ART3: variants seen among roughly 807,000 people sequenced by gnomAD.
ART3 encodes ecto-ADP-ribosyltransferase 3.
ART3 carries 49 observed loss-of-function variants against 48.5 expected under a neutral mutation model. The observed-to-expected ratio is 1.01, with a 90% CI of 0.80 to 1.28. ART3 has a LOEUF of 1.28. Ranked by LOEUF, ART3 falls within the 50% of genes most tolerant of loss-of-function variation. The probability of loss-of-function intolerance (pLI) is 0.00; values close to 1 mark genes in which losing one functional copy is unlikely to be tolerated. For synonymous variants in ART3, 145 were observed against 157.2 expected, an observed-to-expected ratio of 0.92 and a Z score of 0.58; for missense variants, 438 against 454.3, an observed-to-expected ratio of 0.96 and a Z score of 0.33.
intron 3 of ART3, among the ~76,000 whole-genome samples, chr4:76,095,485 G>C (rs1356708465): frequency 2.6e-5 from 4 of 152,216 alleles, no homozygotes; most frequent in Non-Finnish European, 5.9e-5. Context: ...TCCAGCCTGG[G>C]TGACAGAGCG....
intron 1 of ART3, chr4:76,021,984 G>C (rs4859584): frequency 0.55 from 860,428 of 1,559,282 alleles, 246,470 homozygotes; most frequent in East Asian, 0.94. Flanking sequence ...AAGTGTGATA[G>C]TCTGACTCTG....
At chr4:76,087,489 T>C (rs1231661736) in intron 3 of ART3, among the ~76,000 whole-genome samples, 1 of 152,140 alleles carries the variant, frequency 6.6e-6, no homozygotes, top group African/African-American at 2.4e-5. Context: ...AAGGAGAATG[T>C]AGTGAGAATC....
intron 1 of ART3, among the ~76,000 whole-genome samples, chr4:76,051,690 C>T (rs551780324): frequency 2.6e-5 from 4 of 152,112 alleles, no homozygotes; most frequent in South Asian, 2.1e-4. Flanking sequence ...TGGGCACACA[C>T]GTCCACAGCC....
intron 1 of ART3, among the ~76,000 whole-genome samples, chr4:76,033,530 C>T (rs981666384): frequency 4.6e-5 from 7 of 152,154 alleles, no homozygotes; most frequent in African/African-American, 1.4e-4. Flanking sequence ...TCAAGACCCC[C>T]CAAGGCCGAC....
chr4:76,017,232 C>T (rs1732348713), intron 1 of ART3, among the ~76,000 whole-genome samples: 8 of 151,246 alleles, frequency 5.3e-5, no homozygotes, highest in Admixed American at 5.3e-4. Context: ...CCACTGTGTA[C>T]TACCTGGGTA....
chr4:76,050,945 C>A (rs867977916), intron 1 of ART3, among the ~76,000 whole-genome samples: 1 of 152,202 alleles, frequency 6.6e-6, no homozygotes, highest in African/African-American at 2.4e-5. Flanking sequence ...CGGCGGGCTG[C>A]TCCGAGTGCG....
chr4:76,027,454 A>G (rs1014944642), intron 1 of ART3, among the ~76,000 whole-genome samples: 4 of 152,234 alleles, frequency 2.6e-5, no homozygotes, highest in Admixed American at 2.0e-4. Flanking sequence ...AAGCTTGTGC[A>G]ATTACAGATA....
chr4:76,103,806 GT>G (rs1727853448), intron 8 of ART3, 130 bp from the exon 9 acceptor site: 1 of 784,970 alleles, frequency 1.3e-6, no homozygotes, highest in South Asian at 2.1e-5. Context: ...TGTTGTTGCT[GT>G]TTCTTTTTTC....
intron 2 of ART3, among the ~76,000 whole-genome samples, chr4:76,077,268 G>A (rs6814014): frequency 0.1 from 15,683 of 152,112 alleles, 1,268 homozygotes; most frequent in African/African-American, 0.22. Context: ...CGCCTAAATG[G>A]AATCATACAA....
intron 3 of ART3, among the ~76,000 whole-genome samples, chr4:76,093,157 C>T (rs1725278659): frequency 6.6e-6 from 1 of 152,138 alleles, no homozygotes; most frequent in African/African-American, 2.4e-5. Flanking sequence ...TGTGGTGGCT[C>T]ATGCCTGTAA....
intron 1 of ART3, chr4:76,034,798 A>C (rs1560585621): frequency 6.4e-7 from 1 of 1,551,324 alleles, no homozygotes; most frequent in East Asian, 2.3e-5. Flanking sequence ...TATTTTTAAA[A>C]ATTCTTTCTT....
chr4:76,053,962 C>T (rs541339661), intron 1 of ART3, among the ~76,000 whole-genome samples: 2 of 152,248 alleles, frequency 1.3e-5, no homozygotes, highest in South Asian at 2.1e-4. Flanking sequence ...TCAATGTAGA[C>T]GTTCATGTTA....
In ART3 at chr4:76,112,728, GA is replaced by G. The variant is rs1729714432; in HGVS notation, c.*216del. 2 of 437,410 alleles carry G rather than the reference GA, an allele frequency of 4.6e-6. No individual in the cohort carries two copies. Among genetic ancestry groups the G allele is most frequent in the East Asian group, 3.9e-5 (1 of 25,926 alleles). 27.1% of individuals were successfully genotyped at this position (437,410 alleles called of 1,614,324 possible). A position where few individuals can be genotyped will look rare whatever the true frequency, so the allele number is the denominator to read the frequency against. On this transcript the variant is annotated 3_prime_UTR_variant, in exon 12 of 12. Transcript: ENST00000355810. ...TCACTTGTATACTACTCTTACAATG[GA>G]AAAAAATCCCGAAAACTGTATACTT...
intron 1 of ART3, among the ~76,000 whole-genome samples, chr4:76,069,340 T>C (rs1720069206): frequency 6.6e-6 from 1 of 151,826 alleles, no homozygotes; most frequent in South Asian, 2.1e-4. Context: ...TCTGTATAGA[T>C]CTGTCTACTC....
chr4:76,046,136 G>A (rs553386360), intron 1 of ART3, among the ~76,000 whole-genome samples: 60 of 152,110 alleles, frequency 3.9e-4, no homozygotes, highest in African/African-American at 1.3e-3. Flanking sequence ...CTGGGCCAGT[G>A]CCTGACCAAA....
intron 8 of ART3, among the ~76,000 whole-genome samples, chr4:76,102,129 G>A (rs1305817364): frequency 1.3e-5 from 2 of 152,192 alleles, no homozygotes; most frequent in Non-Finnish European, 2.9e-5. Context: ...AGACAGAGAA[G>A]AGCCAAAGAA....
At position 76,046,292 on chromosome 4, in the gene ART3, G is replaced by A. The variant is rs1040106135; in HGVS notation, c.-9-29589G>A. On this transcript the variant is annotated intron_variant, in intron 1 of 9. Coordinates refer to the ART3 transcript ENST00000341029. Reference sequence around the variant, plus strand: ...GAAGGCATCCTTGAGGTCCAGAACCGTGAACCATTCTGCTTCCCCTGGTAT... The same window carrying A: ...GAAGGCATCCTTGAGGTCCAGAACCATGAACCATTCTGCTTCCCCTGGTAT... Among the ~76,000 whole-genome samples, 67 of 152,108 alleles carry A rather than the reference G, an allele frequency of 4.4e-4. 1 individual carries two copies. Among genetic ancestry groups the A allele is most frequent in the African/African-American group, 1.4e-3 (58 of 41,552 alleles).
upstream of ART3, among the ~76,000 whole-genome samples, chr4:76,070,549 C>G (rs1720210972): frequency 6.6e-6 from 1 of 152,252 alleles, no homozygotes; most frequent in Non-Finnish European, 1.5e-5. Flanking sequence ...CTTGAAAAAG[C>G]TACAGTCTTT....
chr4:76,040,448 A>ACACGCACACACG (rs766890498), intron 1 of ART3, among the ~76,000 whole-genome samples: 1 of 146,414 alleles, frequency 6.8e-6, no homozygotes, highest in Non-Finnish European at 1.5e-5. Context: ...ACACACACAC[A>ACACGCACACACG]CACACACACA....
Sources: allele counts gnomAD v4.1 joint callset (sites outside exome capture counted in the v4.1 genomes callset), GRCh38; gene constraint gnomAD v4.1.1; transcripts MANE v1.5; gene names NCBI Gene and HGNC (gene_info 2026-07-23, HGNC 2026-07-21).